Variants in LHPP observed in about 807,000 individuals in gnomAD.
LHPP encodes phospholysine phosphohistidine inorganic pyrophosphate phosphatase.
In LHPP, 24 loss-of-function variants were observed where a neutral mutation model predicts 30.3. The ratio of observed to expected loss-of-function variants is 0.79; its 90% CI spans 0.57 to 1.11. The LOEUF (loss-of-function observed/expected upper bound fraction) is 1.11, where lower values mean the gene tolerates loss of function less well. LHPP is among the 50% of genes most tolerant of loss of function. The probability of loss-of-function intolerance (pLI) is 0.00; values close to 1 mark genes in which losing one functional copy is unlikely to be tolerated. For missense variants in LHPP, 356 were observed against 367.2 expected (o/e 0.97, Z 0.25); for synonymous variants, 150 against 157.1 (o/e 0.95, Z 0.34).
chr10:124,547,206 C>T (rs56731894), intron 6 of LHPP, among the ~76,000 whole-genome samples: 7,019 of 152,252 alleles, frequency 0.046, 360 homozygotes, highest in African/African-American at 0.12. Context: ...GCTGTCGTGG[C>T]GGCACACCTG....
At chr10:124,567,848 C>G (rs1948517721) in intron 6 of LHPP, among the ~76,000 whole-genome samples, 1 of 152,270 alleles carries the variant, frequency 6.6e-6, no homozygotes, top group Admixed American at 6.5e-5. Flanking sequence ...TGCACAGACA[C>G]GAGGGCTCAC....
intron 1 of LHPP, among the ~76,000 whole-genome samples, chr10:124,470,057 G>A (rs996842097): frequency 1.3e-5 from 2 of 152,220 alleles, no homozygotes; most frequent in African/African-American, 2.4e-5. Flanking sequence ...GTGGTCACAG[G>A]CCGGAGGACA....
chr10:124,535,690 G>A (rs1008927724), intron 6 of LHPP, among the ~76,000 whole-genome samples: 3 of 152,294 alleles, frequency 2.0e-5, no homozygotes, highest in Admixed American at 6.5e-5. Context: ...TTAGCTTGGC[G>A]TGAGCCGCCA....
rs1452262604 is a variant in LHPP at position 124,523,126 on chromosome 10, T to C, written c.716+5855T>C. Among the ~76,000 whole-genome samples, 1 of 152,240 alleles carries C rather than the reference T, an allele frequency of 6.6e-6. No homozygotes were observed. The highest frequency in any genetic ancestry group is 1.5e-5 in the Non-Finnish European group (1 of 68,046). On this transcript the variant is annotated intron_variant, in intron 6 of 6. Coordinates refer to ENST00000368842, the MANE Select transcript of LHPP (RefSeq NM_022126.4). The surrounding 1 kb of genome is among the most constrained non-coding windows in gnomAD (Gnocchi z 4.2). ...TGCTGCTGTGTAAATAAAGCCGCGA[T>C]GCGGAGCTCGCCTCTGGTCTTCTCT...
chr10:124,488,050 C>T (rs151170139), intron 2 of LHPP, among the ~76,000 whole-genome samples: 2,747 of 152,220 alleles, frequency 0.018, 38 homozygotes, highest in Non-Finnish European at 0.028. Flanking sequence ...AAGGCTTGTG[C>T]AGCCCCATTT....
At chr10:124,472,839 T>G (rs1444418677) in intron 1 of LHPP, among the ~76,000 whole-genome samples, 3 of 152,188 alleles carry the variant, frequency 2.0e-5, no homozygotes, top group African/African-American at 7.2e-5. Context: ...ATTACAGGCG[T>G]GAGCCACTGC....
chr10:124,529,100 C>T (rs1293472390), intron 6 of LHPP, among the ~76,000 whole-genome samples: 5 of 135,804 alleles, frequency 3.7e-5, no homozygotes, highest in Admixed American at 1.6e-4. Context: ...GGTGTGATCT[C>T]GGCTCACTGT....
At chr10:124,481,072 C>T (rs921674289) in intron 1 of LHPP, among the ~76,000 whole-genome samples, 1 of 152,136 alleles carries the variant, frequency 6.6e-6, no homozygotes, top group African/African-American at 2.4e-5. Flanking sequence ...TTGTGGAGTG[C>T]CAAGCCCTGT....
intron 6 of LHPP, among the ~76,000 whole-genome samples, chr10:124,601,027 C>A (rs1337282430): frequency 6.6e-6 from 1 of 152,090 alleles, no homozygotes; most frequent in Non-Finnish European, 1.5e-5. Flanking sequence ...ACTGAGGAGG[C>A]AAGGGTTGGA....
At chr10:124,529,490 G>A (rs1304050426) in intron 6 of LHPP, among the ~76,000 whole-genome samples, 1 of 152,112 alleles carries the variant, frequency 6.6e-6, no homozygotes, top group Non-Finnish European at 1.5e-5. Flanking sequence ...GAACCTCCCA[G>A]CCAGCCCTGT....
chr10:124,557,094 GC>G (rs1948315248), intron 6 of LHPP, among the ~76,000 whole-genome samples: 2 of 152,164 alleles, frequency 1.3e-5, no homozygotes, highest in Admixed American at 6.5e-5. Context: ...AAGTGTTGAG[GC>G]CGCCTGGAGT....
At chr10:124,493,692 C>T (rs1953605973) in intron 3 of LHPP, 2 of 152,174 alleles carry the variant, frequency 1.3e-5, no homozygotes, top group East Asian at 3.8e-4. Context: ...TCTGACTCCT[C>T]CTCCCGGGCT....
intron 6 of LHPP, among the ~76,000 whole-genome samples, chr10:124,553,551 C>T (rs1360965748): frequency 2.7e-5 from 4 of 150,288 alleles, no homozygotes; most frequent in African/African-American, 4.9e-5. Flanking sequence ...CTCCGCCTCC[C>T]GGGTTCACGC....
At chr10:124,481,101 C>T (rs979243008) in intron 1 of LHPP, among the ~76,000 whole-genome samples, 10 of 152,080 alleles carry the variant, frequency 6.6e-5, no homozygotes, top group South Asian at 2.1e-4. Flanking sequence ...CTGGGGATGC[C>T]GTGGAGACCC....
At chr10:124,525,925 G>T (rs867981183) in intron 6 of LHPP, among the ~76,000 whole-genome samples, 1 of 152,210 alleles carries the variant, frequency 6.6e-6, no homozygotes, top group Non-Finnish European at 1.5e-5. Flanking sequence ...GGGCTGGGGG[G>T]CTCTGAGCTG....
chr10:124,542,615 G>T lies in LHPP; in HGVS notation c.716+25344G>T, dbSNP rs372501589. Among the ~76,000 whole-genome samples the T allele has an allele frequency of 1.2e-4, 18 of 152,288 alleles. 1 individual carries two copies. Among genetic ancestry groups the T allele is most frequent in the African/African-American group, 4.1e-4 (17 of 41,556 alleles). On this transcript the variant is annotated intron_variant, in intron 6 of 6. Transcript: ENST00000368842. ...GAGAGGGGCAGGCTGGTACCAGCCT[G>T]GGGGAGGGGGCAGTTACCAGAAGAC...
intron 6 of LHPP, among the ~76,000 whole-genome samples, chr10:124,601,389 C>G (rs1949018197): frequency 6.6e-6 from 1 of 152,218 alleles, no homozygotes; most frequent in African/African-American, 2.4e-5. Context: ...GTGCGCTTGA[C>G]CGGGGGGCCT....
intron 6 of LHPP, among the ~76,000 whole-genome samples, chr10:124,553,384 C>T (rs1279147234): frequency 1.3e-5 from 2 of 151,202 alleles, no homozygotes; most frequent in Non-Finnish European, 3.0e-5. Context: ...CACCTGAGCT[C>T]GGACTGCCCT....
rs546944505 is a variant in LHPP, at chr10:124,602,826, G to A, written c.717-10438G>A. ...ATGGGGGCCAGACCACCAGGAGACT[G>A]TAAGGATCCAAGGCCGAGGGGCAGG... On this transcript the variant is annotated intron_variant, in intron 6 of 6. Coordinates refer to ENST00000368842, the MANE Select transcript of LHPP (RefSeq NM_022126.4). 4.6e-5 allele frequency among the ~76,000 whole-genome samples: 7 copies of A among 152,360 alleles called. No homozygotes were observed. The East Asian group carries it at 1.4e-3, about 29-fold the overall frequency.
Sources: gnomAD v4.1 joint callset for allele counts (sites outside exome capture counted in the v4.1 genomes callset) on GRCh38, gnomAD v4.1.1 for gene constraint, Gnocchi (gnomAD v3.1) non-coding constraint, MANE v1.5 for transcripts, NCBI Gene and HGNC (gene_info 2026-07-23, HGNC 2026-07-21) for gene names.